CPLANE1: variants seen among roughly 807,000 people sequenced by gnomAD.
CPLANE1 encodes the protein ciliogenesis and planar polarity effector complex subunit 1, also known as ciliogenesis and planar polarity effector 1.
Under a neutral mutation model 362.5 loss-of-function variants are expected in CPLANE1, and 263 were observed. That is an observed-to-expected ratio of 0.73 (90% CI 0.66 to 0.80). The LOEUF is 0.80. CPLANE1 is among the 30% of genes least tolerant of loss of function. The probability of loss-of-function intolerance (pLI) is 0.00; values close to 1 mark genes in which losing one functional copy is unlikely to be tolerated. For missense variants in CPLANE1, 3,461 were observed against 3,793.4 expected, an observed-to-expected ratio of 0.91 and a Z score of 2.30; for synonymous variants, 1,212 against 1,302.6, an observed-to-expected ratio of 0.93 and a Z score of 1.50.
chr5:37,096,153 C>T, the CPLANE1 span, among the ~76,000 whole-genome samples: 3 of 152,304 alleles, frequency 2.0e-5, no homozygotes, highest in South Asian at 2.1e-4. Flanking sequence ...AACCTAGAGG[C>T]ATCACATTAC....
rs1199561659 is a variant in CPLANE1 at position 37,167,115 on chromosome 5, T to TCCC, written c.7331_7332insGGG (p.Gly2444dup). The stretch of plus-strand genomic sequence containing the variant: ...TTTTGACCTTTAGAAGTTGAAGGTG[T>TCCC]CCAGCATCACCTTGTTCAAATAAAT... On this transcript the variant is annotated inframe_insertion, in exon 35 of 53. Coordinates refer to ENST00000651892, the MANE Select transcript of CPLANE1 (RefSeq NM_001384732.1). 3.7e-6 allele frequency: 6 copies of TCCC among 1,612,852 alleles called. No individual in the cohort carries two copies. The highest frequency in any genetic ancestry group is 1.7e-4 in the Middle Eastern group (1 of 6,056).
Position 37,125,383 on chromosome 5 carries a change from G to A in CPLANE1, c.8819C>T (p.Ser2940Leu), listed in dbSNP as rs773296645. Residue 2940 changes from serine to leucine, a missense_variant, in exon 47 of 53, where the codon TCA (serine) becomes TTA (leucine). Ser to Leu is a moderately radical substitution (Grantham distance 145, BLOSUM62 -2). Transcript: ENST00000651892. ...TCTTCTTTCCTTGTCAGTTCTTTGT[G>A]AATGTCTGCCAGAATAATGCTGAAT... is the stretch of plus-strand genomic sequence containing the variant. ...SRIQHYSGRHSQRTDKERREI... is the reference protein window; with the variant it reads ...SRIQHYSGRHLQRTDKERREI... The A allele has an allele frequency of 7.4e-6, 12 of 1,612,910 alleles. No homozygotes were observed. Among genetic ancestry groups the A allele is most frequent in the Non-Finnish European group, 1.0e-5 (12 of 1,179,858 alleles).
intron 30 of CPLANE1, among the ~76,000 whole-genome samples, chr5:37,176,828 G>A (rs1312514645): frequency 1.3e-5 from 2 of 149,718 alleles, no homozygotes; most frequent in Middle Eastern, 7.0e-3. Flanking sequence ...GCCTGATCTC[G>A]GCTCACTGCA....
intron 21 of CPLANE1, among the ~76,000 whole-genome samples, chr5:37,192,512 G>T (rs1785826312): frequency 6.6e-6 from 1 of 152,050 alleles, no homozygotes; most frequent in African/African-American, 2.4e-5. Flanking sequence ...GACTATATAT[G>T]ATATTAAAGA....
At chr5:37,240,599 G>C (rs969939489) in intron 6 of CPLANE1, among the ~76,000 whole-genome samples, 5 of 152,226 alleles carry the variant, frequency 3.3e-5, no homozygotes, top group South Asian at 2.1e-4. Context: ...ACTGTAAGCA[G>C]AACACCAAGC....
intron 11 of CPLANE1, 68 bp from the exon 12 acceptor site, chr5:37,227,141 C>A: frequency 1.3e-6 from 2 of 1,500,224 alleles, no homozygotes; most frequent in Admixed American, 2.2e-5. Context: ...ATCACTTTGG[C>A]GTTCTTAAAT....
At chr5:37,134,378 G>C (rs1262543417) in intron 46 of CPLANE1, among the ~76,000 whole-genome samples, 1 of 152,126 alleles carries the variant, frequency 6.6e-6, no homozygotes, top group Non-Finnish European at 1.5e-5. Context: ...GGGGTTGTGT[G>C]TTTCCAGGAA....
At chr5:37,082,692 A>C in the CPLANE1 span, among the ~76,000 whole-genome samples, 1 of 152,060 alleles carries the variant, frequency 6.6e-6, no homozygotes, top group East Asian at 1.9e-4. Flanking sequence ...ACCTATAAGA[A>C]ACTTATTTCA....
intron 8 of CPLANE1, among the ~76,000 whole-genome samples, chr5:37,236,841 G>T (rs1172478681): frequency 1.6e-4 from 24 of 151,608 alleles, no homozygotes; most frequent in Admixed American, 1.6e-3. Flanking sequence ...AATCATCAGA[G>T]AAATGCAAAT....
intron 38 of CPLANE1, among the ~76,000 whole-genome samples, chr5:37,159,277 AATTTTT>A (rs1339613872): frequency 7.1e-6 from 1 of 141,258 alleles, no homozygotes; most frequent in African/African-American, 2.7e-5. Flanking sequence ...GCGCCCGGCT[AATTTTT>A]TGTATTTTTA....
At position 37,239,767 on chromosome 5, in the gene CPLANE1, G is replaced by C. The variant is rs1265144102; in HGVS notation, c.780C>G (p.Ala260=). The C allele has an allele frequency of 1.9e-6, 3 of 1,546,466 alleles. No individual in the cohort carries two copies. The highest frequency in any genetic ancestry group is 3.9e-5 in the Admixed American group (2 of 50,848). Residue 260 remains alanine, a synonymous_variant, in exon 7 of 53, where the codon GCC becomes GCG. Coordinates refer to ENST00000651892, the MANE Select transcript of CPLANE1 (RefSeq NM_001384732.1). The stretch of plus-strand genomic sequence containing the variant: ...CCAGGGTAAGGCCATCTCTTGAAAA[G>C]GCAGAAATTAGAGCTCCTCTTGACT... The part of the protein sequence containing the change: ...SVKSRGALIS[A]FSRDGLTLAV...
chr5:37,173,575 G>A (rs901411254), intron 32 of CPLANE1, among the ~76,000 whole-genome samples, 180 bp downstream of exon 32: 8 of 152,114 alleles, frequency 5.3e-5, no homozygotes, highest in African/African-American at 1.7e-4. Context: ...AAAGTGCTGG[G>A]ATTACAAACG....
chr5:37,150,540 A>G (rs1351474550), intron 42 of CPLANE1, among the ~76,000 whole-genome samples: 1 of 151,480 alleles, frequency 6.6e-6, no homozygotes, highest in East Asian at 1.9e-4. Context: ...ACACACACAC[A>G]CAACTCCTCC....
chr5:37,221,261 C>T, intron 15 of CPLANE1, 63 bp downstream of exon 15: 1 of 1,149,214 alleles, frequency 8.7e-7, no homozygotes, highest in Non-Finnish European at 1.2e-6. Flanking sequence ...TGAAGCCAGG[C>T]TGGCAACATA....
chr5:37,180,792 T>C, intron 27 of CPLANE1, 65 bp downstream of exon 27: 1 of 1,503,452 alleles, frequency 6.7e-7, no homozygotes. Flanking sequence ...GATCTTCCCT[T>C]TAAGCCCAAA....
chr5:37,186,192 A>G, intron 24 of CPLANE1, 94 bp downstream of exon 24: 2 of 680,938 alleles, frequency 2.9e-6, no homozygotes, highest in Non-Finnish European at 2.6e-6. Context: ...AAAAATGCAT[A>G]GACACATAAG....
chr5:37,090,088 G>GT, the CPLANE1 span, among the ~76,000 whole-genome samples: 2 of 152,152 alleles, frequency 1.3e-5, no homozygotes, highest in East Asian at 3.8e-4. Context: ...TTTCCAGTCA[G>GT]TAAGACCTCA....
chr5:37,128,618 AG>A (rs1764897609), intron 46 of CPLANE1, among the ~76,000 whole-genome samples: 2 of 152,210 alleles, frequency 1.3e-5, no homozygotes, highest in Middle Eastern at 3.4e-3. Context: ...GCACTTTGGG[AG>A]GGGCCGAGAT....
chr5:37,178,550 C>T (rs1329218360), intron 29 of CPLANE1, among the ~76,000 whole-genome samples: 1 of 150,158 alleles, frequency 6.7e-6, no homozygotes, highest in Non-Finnish European at 1.5e-5. Flanking sequence ...GAATTCCAGG[C>T]TGCAGTGAGC....
Sources: allele counts gnomAD v4.1 joint callset (sites outside exome capture counted in the v4.1 genomes callset), GRCh38; gene constraint gnomAD v4.1.1; transcripts MANE v1.5; gene names NCBI Gene and HGNC (gene_info 2026-07-23, HGNC 2026-07-21).